The following MLF2 variants were observed in gnomAD, a reference collection of about 807,000 sequenced individuals.
MLF2 encodes the protein myelodysplasia-myeloid leukemia factor 2.
A neutral mutation model predicts 31.4 loss-of-function variants in MLF2; 12 were observed. The observed-to-expected ratio is 0.38, with a 90% CI of 0.24 to 0.62. MLF2 has a LOEUF of 0.62. MLF2 is among the 20% of genes least tolerant of loss of function. The pLI is 0.58. For synonymous variants in MLF2, 109 were observed against 118.8 expected (o/e 0.92, Z 0.54); for missense variants, 272 against 359.7 (o/e 0.76, Z 1.97).
At position 6,749,831 on chromosome 12, in the gene MLF2, C is replaced by T. The variant is rs1253063882; in HGVS notation, c.559+17G>A. The T allele has an allele frequency of 1.3e-5, 21 of 1,612,822 alleles. No homozygotes were observed. Among genetic ancestry groups the T allele is most frequent in the East Asian group, 2.2e-5 (1 of 44,868 alleles). ...GGGTTAGGGGCTGCCAGCCAGGAAG[C>T]GGGAGGGAAGGCTCACTCTCATCCA... On this transcript the variant is annotated intron_variant, in intron 7 of 8. Coordinates refer to ENST00000203630, the MANE Select transcript of MLF2 (RefSeq NM_001382226.1). The surrounding 1 kb of genome is among the most constrained non-coding windows in gnomAD (Gnocchi z 5.3).
chr12:6,752,977 T>G lies in MLF2; in HGVS notation c.-67A>C. Reference sequence around the variant, plus strand: ...GGGCTCAGCGGCCCATCCGGCCGGTTTCGCTTCCCGGTACGCTGCAGGGTC... The same window carrying G: ...GGGCTCAGCGGCCCATCCGGCCGGTGTCGCTTCCCGGTACGCTGCAGGGTC... On this transcript the variant is annotated 5_prime_UTR_variant, in exon 1 of 9. Coordinates refer to ENST00000203630, the MANE Select transcript of MLF2 (RefSeq NM_001382226.1). The surrounding 1 kb of genome is among the most constrained non-coding windows in gnomAD (Gnocchi z 4.6). 7.2e-6 allele frequency: 2 copies of G among 279,074 alleles called. No individual in the cohort carries two copies. The highest frequency in any genetic ancestry group is 5.3e-5 in the Admixed American group (1 of 18,958). 17.3% of individuals were successfully genotyped at this position (279,074 alleles called of 1,614,324 possible).
Position 6,750,388 on chromosome 12 carries a change from T to C in MLF2, c.271-83A>G, listed in dbSNP as rs1941596186. On this transcript the variant is annotated intron_variant, in intron 5 of 8. Coordinates refer to ENST00000203630, the MANE Select transcript of MLF2 (RefSeq NM_001382226.1). The surrounding 1 kb of genome is among the most constrained non-coding windows in gnomAD (Gnocchi z 5.3). The stretch of plus-strand genomic sequence containing the variant: ...GATTTCACCCTTCAGCTGCCTGTTC[T>C]AGCCTGTATCTTTCTCACAAAATGC... The C allele has an allele frequency of 8.7e-6, 13 of 1,488,818 alleles. No homozygotes were observed. The highest frequency in any genetic ancestry group is 1.2e-5 in the Non-Finnish European group (13 of 1,101,922). The allele number at this position is 1,488,818 out of a possible 1,614,324, so 92.2% of individuals were successfully genotyped here. A position where few individuals can be genotyped will look rare whatever the true frequency, so the allele number is the denominator to read the frequency against.
chr12:6,750,286 C>T lies in MLF2; in HGVS notation c.290G>A (p.Gly97Asp), dbSNP rs924900477. 1 of 1,614,134 alleles carries T rather than the reference C, an allele frequency of 6.2e-7. No homozygotes were observed. Among genetic ancestry groups the T allele is most frequent in the South Asian group, 1.1e-5 (1 of 91,074 alleles). Reference protein sequence around the residue: ...IGNMEHMTAGGNCQTFSSSTV... With the variant: ...IGNMEHMTAGDNCQTFSSSTV... Reference sequence around the variant, plus strand: ...GGAAGATGAGAAGGTCTGGCAATTGCCTCCAGCTGTCATGTGTTCCTGAGG... The same window carrying T: ...GGAAGATGAGAAGGTCTGGCAATTGTCTCCAGCTGTCATGTGTTCCTGAGG... Residue 97 changes from glycine (G) to aspartate (D), a missense_variant, in exon 6 of 9, where the codon GGC becomes GAC. Transcript: ENST00000203630. The surrounding 1 kb of genome is among the most constrained non-coding windows in gnomAD (Gnocchi z 5.3).
At position 6,752,553 on chromosome 12, in the gene MLF2, T is replaced by G. The variant is rs1002809669; in HGVS notation, c.-28-191A>C. 7 of 515,662 alleles carry G rather than the reference T, an allele frequency of 1.4e-5. No individual in the cohort carries two copies. The highest frequency in any genetic ancestry group is 3.3e-5 in the Admixed American group (1 of 29,894). The allele number at this position is 515,662 out of a possible 1,614,324, so 31.9% of individuals were successfully genotyped here. A position where few individuals can be genotyped will look rare whatever the true frequency, so the allele number is the denominator to read the frequency against. On this transcript the variant is annotated intron_variant, in intron 1 of 8. Coordinates refer to ENST00000203630, the MANE Select transcript of MLF2 (RefSeq NM_001382226.1). This position sits in a 1 kb window ranked among gnomAD's most constrained non-coding sequence, Gnocchi z 4.6. ...GGGCTCTTCAAACCTCTTTCTCAAT[T>G]AGGGCCATGGAAAATTTTTCCAACC... is the stretch of plus-strand genomic sequence containing the variant.
At chr12:6,751,155 G>T in intron 4 of MLF2, 2 of 275,778 alleles carry the variant, frequency 7.3e-6, no homozygotes, top group South Asian at 4.1e-5. Flanking sequence ...AACAAATTTT[G>T]CTAGACAATT....
At chr12:6,751,789 G>C (rs1419809452) in intron 3 of MLF2, 113 bp from the exon 4 acceptor site, 2 of 1,557,498 alleles carry the variant, frequency 1.3e-6, no homozygotes, top group Non-Finnish European at 1.8e-6. Flanking sequence ...GAGTCACAAA[G>C]CCCTTTTTCC....
chr12:6,752,199 C>A lies in MLF2; in HGVS notation c.50+86G>T. Reference sequence around the variant, plus strand: ...GAGCTAGGTATCCAGCCAGTTCCAACCATTCCTAGCAATGGGAACCCCGAT... The same window carrying A: ...GAGCTAGGTATCCAGCCAGTTCCAAACATTCCTAGCAATGGGAACCCCGAT... On this transcript the variant is annotated intron_variant, in intron 2 of 8. Transcript: ENST00000203630. This position sits in a 1 kb window ranked among gnomAD's most constrained non-coding sequence, Gnocchi z 4.6. 1 of 1,539,440 alleles carries A rather than the reference C, an allele frequency of 6.5e-7. No individual in the cohort carries two copies. The highest frequency in any genetic ancestry group is 8.8e-7 in the Non-Finnish European group (1 of 1,133,872).
rs557293926 is a variant in MLF2, at chr12:6,748,787, C to G, written c.*8G>C. 1 of 1,521,986 alleles carries G rather than the reference C, an allele frequency of 6.6e-7. No individual in the cohort carries two copies. The allele number at this position is 1,521,986 out of a possible 1,614,324, so 94.3% of individuals were successfully genotyped here. On this transcript the variant is annotated 3_prime_UTR_variant, in exon 8 of 9. Coordinates refer to ENST00000203630, the MANE Select transcript of MLF2 (RefSeq NM_001382226.1). The surrounding 1 kb of genome is among the most constrained non-coding windows in gnomAD (Gnocchi z 4.6). ...ATACTTACAAGAGAGGCTGAGGGCC[C>G]GGGGCCCTCACCAGTCATAGCGGCG...
rs902830039 is a variant in MLF2 at position 6,751,915 on chromosome 12, G to C, written c.180+10C>G. 4 of 1,613,880 alleles carry C rather than the reference G, an allele frequency of 2.5e-6. No homozygotes were observed. In the African/African-American group the frequency reaches 5.3e-5, roughly 22 times the overall value. On this transcript the variant is annotated intron_variant, in intron 3 of 8. Coordinates refer to ENST00000203630, the MANE Select transcript of MLF2 (RefSeq NM_001382226.1). ...TTCTTTGGGTCTCAGGTGTGTCTCA[G>C]CATCATTACCTGCTGCATCCGGCGG...
chr12:6,751,600 G>A (rs1252897645), intron 4 of MLF2, 41 bp downstream of exon 4: 6 of 1,591,356 alleles, frequency 3.8e-6, no homozygotes, highest in East Asian at 2.2e-5. Context: ...AGGGTAGAGA[G>A]TGTGTCTGAG....
chr12:6,752,599 C>T lies in MLF2; in HGVS notation c.-28-237G>A, dbSNP rs984920602. Reference sequence around the variant, plus strand: ...CAACCCTCTCGGTTTTTCCCTCCCCCACTCAGAGCCATCCTCTTCCCAAAG... The same window carrying T: ...CAACCCTCTCGGTTTTTCCCTCCCCTACTCAGAGCCATCCTCTTCCCAAAG... On this transcript the variant is annotated intron_variant, in intron 1 of 8. Coordinates refer to ENST00000203630, the MANE Select transcript of MLF2 (RefSeq NM_001382226.1). This position sits in a 1 kb window ranked among gnomAD's most constrained non-coding sequence, Gnocchi z 4.6. The T allele has an allele frequency of 2.2e-6, 1 of 445,712 alleles. No homozygotes were observed. The highest frequency in any genetic ancestry group is 6.0e-4 in the Middle Eastern group (1 of 1,656). The allele number at this position is 445,712 out of a possible 1,614,324, so 27.6% of individuals were successfully genotyped here.
Position 6,750,062 on chromosome 12 carries a change from T to TA in MLF2, c.400-56dup. The TA allele has an allele frequency of 1.2e-6, 2 of 1,612,250 alleles. No individual in the cohort carries two copies. Among genetic ancestry groups the TA allele is most frequent in the Non-Finnish European group, 1.7e-6 (2 of 1,178,624 alleles). On this transcript the variant is annotated intron_variant, in intron 6 of 8. Transcript: ENST00000203630. The surrounding 1 kb of genome is among the most constrained non-coding windows in gnomAD (Gnocchi z 5.3). ...GCCGCCCCTTCCAAAGCCCTGCCTA[T>TA]ACCATCTCAGGATAAACACACCACA...
intron 4 of MLF2, 21 bp downstream of exon 4, chr12:6,751,620 C>T: frequency 6.2e-7 from 1 of 1,611,830 alleles, no homozygotes; most frequent in African/African-American, 1.3e-5. Context: ...GATGGAAGGA[C>T]ACAGGGAGAT....
Position 6,749,132 on chromosome 12 carries a change from G to A in MLF2, c.560-150C>T. The A allele has an allele frequency of 2.4e-6, 2 of 830,540 alleles. No individual in the cohort carries two copies. The highest frequency in any genetic ancestry group is 2.0e-5 in the South Asian group (1 of 49,250). The allele number at this position is 830,540 out of a possible 1,614,324, so 51.4% of individuals were successfully genotyped here. A position where few individuals can be genotyped will look rare whatever the true frequency, so the allele number is the denominator to read the frequency against. ...GGTGGCAATTCCCTTAGCTCTTTTG[G>A]TTTCTGCACGGTCCCAGGAAGCCAC... On this transcript the variant is annotated intron_variant, in intron 7 of 8. Transcript: ENST00000203630. This position sits in a 1 kb window ranked among gnomAD's most constrained non-coding sequence, Gnocchi z 5.3.
chr12:6,748,732 C>T lies in MLF2; in HGVS notation c.*25+38G>A, dbSNP rs35247189. The T allele has an allele frequency of 2.1e-6, 3 of 1,429,592 alleles. No individual in the cohort carries two copies. The highest frequency in any genetic ancestry group is 5.4e-5 in the East Asian group (2 of 37,010). The allele number at this position is 1,429,592 out of a possible 1,614,324, so 88.6% of individuals were successfully genotyped here. A position where few individuals can be genotyped will look rare whatever the true frequency, so the allele number is the denominator to read the frequency against. ...GCCTGCCTTGCAGCCGAGGACCGTC[C>T]GCAGGTGCACCCCACCCTCCTTACT... On this transcript the variant is annotated intron_variant, in intron 8 of 8. Transcript: ENST00000203630. This position sits in a 1 kb window ranked among gnomAD's most constrained non-coding sequence, Gnocchi z 4.6.
At position 6,751,667 on chromosome 12, in the gene MLF2, C is replaced by T; in HGVS notation, c.190G>A (p.Val64Ile). The change falls in exon 4 of 9, where the codon GTC becomes ATC. Residue 64 changes from valine to isoleucine, a missense_variant. Coordinates refer to ENST00000203630, the MANE Select transcript of MLF2 (RefSeq NM_001382226.1). ...ASRRMQQAGA[V>I]SPFGMLGMSG... Reference sequence around the variant, plus strand: ...ATTCCCAGCATCCCAAAGGGGGAGACAGCTCCAGCCTACAGGAACACATGA... The same window carrying T: ...ATTCCCAGCATCCCAAAGGGGGAGATAGCTCCAGCCTACAGGAACACATGA... The T allele has an allele frequency of 6.2e-7, 1 of 1,614,090 alleles. No individual in the cohort carries two copies. Among genetic ancestry groups the T allele is most frequent in the Non-Finnish European group, 8.5e-7 (1 of 1,179,962 alleles).
rs1274732994 is a variant in MLF2, at chr12:6,753,105, A to C, written c.-195T>G. 2.6e-6 allele frequency: 1 copy of C among 389,534 alleles called. No homozygotes were observed. The allele number at this position is 389,534 out of a possible 1,614,324, so 24.1% of individuals were successfully genotyped here. On this transcript the variant is annotated 5_prime_UTR_variant, in exon 1 of 9. Transcript: ENST00000203630. The stretch of plus-strand genomic sequence containing the variant: ...CCACCTCCGTACGGCCCCCTCGGCC[A>C]ACGGAGCCCGAACCTCGGCCAGGCC...
rs1257704177 is a variant in MLF2, at chr12:6,749,760, G to C, written c.559+88C>G. Reference sequence around the variant, plus strand: ...AAAAGGAATATGGGGCTGACCCAGAGCTTTGCCCCAGAAGTGTCTATGTGT... The same window carrying C: ...AAAAGGAATATGGGGCTGACCCAGACCTTTGCCCCAGAAGTGTCTATGTGT... On this transcript the variant is annotated intron_variant, in intron 7 of 8. Coordinates refer to ENST00000203630, the MANE Select transcript of MLF2 (RefSeq NM_001382226.1). This position sits in a 1 kb window ranked among gnomAD's most constrained non-coding sequence, Gnocchi z 5.3. 6.6e-7 allele frequency: 1 copy of C among 1,512,970 alleles called. No homozygotes were observed. Among genetic ancestry groups the C allele is most frequent in the Middle Eastern group, 2.4e-4 (1 of 4,178 alleles). The allele number at this position is 1,512,970 out of a possible 1,614,324, so 93.7% of individuals were successfully genotyped here.
In MLF2 at chr12:6,750,470, A is replaced by G. The variant is rs1465609818; in HGVS notation, c.271-165T>C. The G allele has an allele frequency of 9.9e-7, 1 of 1,011,486 alleles. No individual in the cohort carries two copies. Among genetic ancestry groups the G allele is most frequent in the Non-Finnish European group, 1.4e-6 (1 of 700,556 alleles). The allele number at this position is 1,011,486 out of a possible 1,614,324, so 62.7% of individuals were successfully genotyped here. On this transcript the variant is annotated intron_variant, in intron 5 of 8. Transcript: ENST00000203630. The surrounding 1 kb of genome is among the most constrained non-coding windows in gnomAD (Gnocchi z 5.3). The stretch of plus-strand genomic sequence containing the variant: ...ACCCTCCCAAATTCCTCTGAGTCCA[A>G]CCACGAGCAAGAAGGACCTGAAGAG...
Sources: gnomAD v4.1 joint callset for allele counts on GRCh38, gnomAD v4.1.1 for gene constraint, Gnocchi (gnomAD v3.1) non-coding constraint, MANE v1.5 for transcripts, NCBI Gene and HGNC (gene_info 2026-07-23, HGNC 2026-07-21) for gene names.